The following MAD1L1 variants were observed in gnomAD, a reference collection of about 807,000 sequenced individuals.
The protein encoded by MAD1L1 is mitotic arrest deficient 1 like 1.
In MAD1L1, 95 loss-of-function variants were observed where a neutral mutation model predicts 96.9. The ratio of observed to expected loss-of-function variants is 0.98; its 90% CI spans 0.83 to 1.16. MAD1L1 has a LOEUF of 1.16. MAD1L1 is among the 50% of genes most tolerant of loss of function. The pLI is 0.00. For synonymous variants in MAD1L1, 473 were observed against 396.6 expected, an observed-to-expected ratio of 1.19 and a Z score of -2.29; for missense variants, 1,007 against 954.4, an observed-to-expected ratio of 1.06 and a Z score of -0.73.
At chr7:1,946,642 G>C (rs1004061519) in intron 16 of MAD1L1, among the ~76,000 whole-genome samples, 3 of 152,262 alleles carry the variant, frequency 2.0e-5, no homozygotes, top group East Asian at 1.9e-4. Context: ...GCGGTTAAGC[G>C]GAAGAGCCGG....
At chr7:1,863,664 T>C (rs1188406596) in intron 18 of MAD1L1, among the ~76,000 whole-genome samples, 1 of 152,220 alleles carries the variant, frequency 6.6e-6, no homozygotes, top group African/African-American at 2.4e-5. Context: ...TCAGCTGCCC[T>C]GCCCTGCCCC....
intron 17 of MAD1L1, among the ~76,000 whole-genome samples, chr7:1,936,387 G>A (rs1399890057): frequency 6.6e-6 from 1 of 152,222 alleles, no homozygotes; most frequent in Admixed American, 6.5e-5. Flanking sequence ...GATTAATGGG[G>A]TACATATAAA....
chr7:1,904,115 G>T (rs1787459073), intron 17 of MAD1L1, among the ~76,000 whole-genome samples: 1 of 134,992 alleles, frequency 7.4e-6, no homozygotes, highest in African/African-American at 2.7e-5. Flanking sequence ...ACTCAAGATT[G>T]ATCAAGCACT....
At chr7:1,913,541 C>A (rs986481739) in intron 17 of MAD1L1, among the ~76,000 whole-genome samples, 1 of 151,994 alleles carries the variant, frequency 6.6e-6, no homozygotes, top group Admixed American at 6.6e-5. Context: ...CTGGAGATGG[C>A]CCTGGCGTCC....
At chr7:2,020,946 G>C (rs534754768) in intron 12 of MAD1L1, among the ~76,000 whole-genome samples, 2 of 152,130 alleles carry the variant, frequency 1.3e-5, no homozygotes, top group East Asian at 3.9e-4. Context: ...AACAACATAT[G>C]CAGAAAGTAT....
chr7:2,206,845 G>A (rs1400753152), intron 10 of MAD1L1, among the ~76,000 whole-genome samples: 1 of 151,788 alleles, frequency 6.6e-6, no homozygotes, highest in Non-Finnish European at 1.5e-5. Flanking sequence ...ACTTTGGGAG[G>A]CCAAGGCGGG....
rs376191945 is a variant in MAD1L1, at chr7:2,010,566, T to C, written c.1359+3936A>G. Among the ~76,000 whole-genome samples, 248 of 152,260 alleles carry C rather than the reference T, an allele frequency of 1.6e-3. 2 individuals carry two copies. The highest frequency in any genetic ancestry group is 5.6e-3 in the African/African-American group (233 of 41,538). On this transcript the variant is annotated intron_variant, in intron 13 of 18. Transcript: ENST00000265854. ...CCCGCAGCCGCTTTATTAAATGGAATAAATAACACCGTGCAAGACGGCAAA... is the reference window on the plus strand; with the variant it reads ...CCCGCAGCCGCTTTATTAAATGGAACAAATAACACCGTGCAAGACGGCAAA...
chr7:1,888,653 C>T (rs1371167563), intron 18 of MAD1L1, among the ~76,000 whole-genome samples: 19 of 150,686 alleles, frequency 1.3e-4, no homozygotes, highest in Non-Finnish European at 1.6e-4. Context: ...TGTGTGTGCG[C>T]GCATGTGTGT....
At chr7:1,856,041 T>C (rs1784234964) in intron 18 of MAD1L1, among the ~76,000 whole-genome samples, 1 of 152,212 alleles carries the variant, frequency 6.6e-6, no homozygotes, top group East Asian at 1.9e-4. Flanking sequence ...GAGGGAGCTC[T>C]CGGCTTCTTC....
chr7:1,939,634 G>A (rs1778845940), intron 16 of MAD1L1, among the ~76,000 whole-genome samples: 2 of 152,310 alleles, frequency 1.3e-5, no homozygotes, highest in South Asian at 4.1e-4. Context: ...TGCCACCCTT[G>A]GGGCTTCTGC....
intron 7 of MAD1L1, 135 bp downstream of exon 7, chr7:2,217,827 G>GCCCC: frequency 1.3e-6 from 1 of 741,080 alleles, no homozygotes; most frequent in Non-Finnish European, 2.4e-6. Flanking sequence ...CCAGCACAGT[G>GCCCC]CCCAACACAC....
In MAD1L1 at chr7:2,160,329, A is replaced by AT. The variant is rs58004689; in HGVS notation, c.987-11092dup. 2.3e-3 allele frequency among the ~76,000 whole-genome samples: 250 copies of AT among 109,674 alleles called. 3 individuals are homozygous for AT. Among genetic ancestry groups the AT allele is most frequent in the African/African-American group, 4.1e-3 (118 of 28,902 alleles). The allele number at this position is 109,674 out of a possible 152,430, so 72.0% of individuals were successfully genotyped here. Reference sequence around the variant, plus strand: ...GGCAGGAGGCTTGCCACTGGATCCTATTTTTTTTTTTTTTTTTTTTTGAGA... The same window carrying AT: ...GGCAGGAGGCTTGCCACTGGATCCTATTTTTTTTTTTTTTTTTTTTTTGAGA... On this transcript the variant is annotated intron_variant, in intron 10 of 18. Coordinates refer to ENST00000265854, the MANE Select transcript of MAD1L1 (RefSeq NM_001013836.2).
intron 11 of MAD1L1, among the ~76,000 whole-genome samples, chr7:2,071,521 GC>G (rs1484947650): frequency 6.6e-6 from 1 of 152,236 alleles, no homozygotes; most frequent in Admixed American, 6.5e-5. Flanking sequence ...CCTTCCATGT[GC>G]CAATGACTGA....
In MAD1L1 at chr7:1,878,997, A is replaced by G. The variant is rs10281595; in HGVS notation, c.1998+19203T>C. Among the ~76,000 whole-genome samples, 618 of 152,366 alleles carry G rather than the reference A, an allele frequency of 4.1e-3. 3 individuals carry two copies. Among genetic ancestry groups the G allele is most frequent in the African/African-American group, 0.014 (585 of 41,592 alleles). ...ATATATTAGGAATGAAACATTGGAAAATAAAAATTTTAAAGCACATTTACA... is the reference window on the plus strand; with the variant it reads ...ATATATTAGGAATGAAACATTGGAAGATAAAAATTTTAAAGCACATTTACA... On this transcript the variant is annotated intron_variant, in intron 18 of 18. Coordinates refer to ENST00000265854, the MANE Select transcript of MAD1L1 (RefSeq NM_001013836.2).
intron 12 of MAD1L1, among the ~76,000 whole-genome samples, chr7:2,048,018 C>A (rs1477898653): frequency 1.3e-5 from 2 of 152,174 alleles, no homozygotes; most frequent in Non-Finnish European, 2.9e-5. Context: ...CATGCGCACA[C>A]AAGTACACAC....
chr7:1,936,684 T>C lies in MAD1L1; in HGVS notation c.1807+3A>G, dbSNP rs1325540113. ...GCAGGGACCGGGGGTGGGGGGTGCC[T>C]ACCTGCCACCTCCTTGGACGATGGC... is the stretch of plus-strand genomic sequence containing the variant. On this transcript the variant is annotated splice_donor_region_variant and intron_variant, in intron 17 of 18. Transcript: ENST00000265854. 3.2e-6 allele frequency: 5 copies of C among 1,548,910 alleles called. No homozygotes were observed. Among genetic ancestry groups the C allele is most frequent in the Non-Finnish European group, 4.4e-6 (5 of 1,147,806 alleles).
chr7:1,938,758 A>G (rs1284097868), intron 16 of MAD1L1, among the ~76,000 whole-genome samples: 3 of 144,826 alleles, frequency 2.1e-5, no homozygotes, highest in Non-Finnish European at 3.0e-5. Context: ...ACACACACAC[A>G]CACACACACA....
At chr7:1,885,379 T>C (rs1008911384) in intron 18 of MAD1L1, among the ~76,000 whole-genome samples, 1 of 152,124 alleles carries the variant, frequency 6.6e-6, no homozygotes, top group Non-Finnish European at 1.5e-5. Flanking sequence ...TAGAGAAAGA[T>C]GGAGAGGGCT....
chr7:1,874,036 G>A lies in MAD1L1; in HGVS notation c.1998+24164C>T, dbSNP rs369507585. ...ACACAGGCCCAGGCTGAGGACAGGC[G>A]GGCCTCTCTGAGCACCCCATGCTAG... On this transcript the variant is annotated intron_variant, in intron 18 of 18. Transcript: ENST00000265854. 2.9e-4 allele frequency among the ~76,000 whole-genome samples: 44 copies of A among 152,314 alleles called. No individual in the cohort carries two copies. In the East Asian group the frequency reaches 6.0e-3, roughly 21 times the overall value.
Sources: gnomAD v4.1 joint callset for allele counts (sites outside exome capture counted in the v4.1 genomes callset) on GRCh38, gnomAD v4.1.1 for gene constraint, MANE v1.5 for transcripts, NCBI Gene and HGNC (gene_info 2026-07-23, HGNC 2026-07-21) for gene names.